The following CNTNAP2 variants were observed in gnomAD, a reference collection of about 807,000 sequenced individuals.
CNTNAP2 encodes contactin associated protein 2, also known as contactin-associated protein-like 2.
A neutral mutation model predicts 155.2 loss-of-function variants in CNTNAP2; 98 were observed. The observed-to-expected ratio is 0.63, with a 90% confidence interval of 0.54 to 0.75. CNTNAP2 has a LOEUF of 0.75. CNTNAP2 is among the 30% of genes least tolerant of loss of function. The probability of loss-of-function intolerance (pLI) is 0.00; values close to 1 mark genes in which losing one functional copy is unlikely to be tolerated. For missense variants in CNTNAP2, 1,727 were observed against 1,688.1 expected (o/e 1.02, Z -0.40); for synonymous variants, 651 against 631.2 (o/e 1.03, Z -0.47).
intron 3 of CNTNAP2, among the ~76,000 whole-genome samples, chr7:146,898,798 T>C (rs1055979609): frequency 6.6e-6 from 1 of 152,058 alleles, no homozygotes; most frequent in Non-Finnish European, 1.5e-5. Flanking sequence ...AAAAGACACT[T>C]TGACTCTTGC....
At chr7:146,720,593 G>A (rs1470072063) in intron 1 of CNTNAP2, among the ~76,000 whole-genome samples, 3 of 151,882 alleles carry the variant, frequency 2.0e-5, no homozygotes, top group Non-Finnish European at 4.4e-5. Context: ...TAATTTTCAT[G>A]GTGATTACAA....
At chr7:147,628,046 T>C (rs988920941) in intron 12 of CNTNAP2, among the ~76,000 whole-genome samples, 1 of 151,982 alleles carries the variant, frequency 6.6e-6, no homozygotes, top group African/African-American at 2.4e-5. Flanking sequence ...TTTAAAAGTT[T>C]GGAAAGCATA....
chr7:147,940,715 A>G (rs1373596868), intron 14 of CNTNAP2, among the ~76,000 whole-genome samples: 3 of 151,968 alleles, frequency 2.0e-5, no homozygotes, highest in Non-Finnish European at 2.9e-5. Context: ...TTTAAATTTT[A>G]TGTAGAGACA....
At chr7:146,768,957 T>C (rs1270874234) in intron 1 of CNTNAP2, among the ~76,000 whole-genome samples, 1 of 152,214 alleles carries the variant, frequency 6.6e-6, no homozygotes, top group Non-Finnish European at 1.5e-5. Flanking sequence ...CCAGTATCCC[T>C]TGCCAATAGC....
intron 21 of CNTNAP2, among the ~76,000 whole-genome samples, chr7:148,356,300 C>T (rs1798513982): frequency 7.3e-6 from 1 of 137,034 alleles, no homozygotes; most frequent in Non-Finnish European, 1.6e-5. Flanking sequence ...AACCTTTTAA[C>T]TCACTCTTAA....
At chr7:148,206,113 A>T (rs559651784) in intron 18 of CNTNAP2, among the ~76,000 whole-genome samples, 3 of 151,234 alleles carry the variant, frequency 2.0e-5, no homozygotes, top group South Asian at 2.1e-4. Context: ...TCATATATAT[A>T]TTTTTTTATA....
chr7:146,551,191 C>T (rs1416265731), intron 1 of CNTNAP2, among the ~76,000 whole-genome samples: 2 of 151,932 alleles, frequency 1.3e-5, no homozygotes, highest in African/African-American at 4.8e-5. Flanking sequence ...TGCTCAGAGT[C>T]AAATGATTTC....
chr7:146,237,161 C>T (rs1009481317), intron 1 of CNTNAP2, among the ~76,000 whole-genome samples: 1 of 152,194 alleles, frequency 6.6e-6, no homozygotes, highest in African/African-American at 2.4e-5. Context: ...GTACCAGAAG[C>T]AGGACCTTGG....
At chr7:148,312,252 A>G (rs952149467) in intron 21 of CNTNAP2, among the ~76,000 whole-genome samples, 1 of 152,122 alleles carries the variant, frequency 6.6e-6, no homozygotes, top group Admixed American at 6.5e-5. Context: ...CATGCCTAGG[A>G]AGGAAAGGAA....
intron 1 of CNTNAP2, among the ~76,000 whole-genome samples, chr7:146,673,437 C>T (rs1266206698): frequency 6.6e-6 from 1 of 152,122 alleles, no homozygotes; most frequent in African/African-American, 2.4e-5. Context: ...TTAAGTTTAG[C>T]CTAAAGATGC....
intron 1 of CNTNAP2, among the ~76,000 whole-genome samples, chr7:146,630,299 C>T (rs891803114): frequency 6.6e-5 from 10 of 152,106 alleles, no homozygotes; most frequent in Non-Finnish European, 1.2e-4. Context: ...CATGTCCCTG[C>T]AAAGGACATG....
chr7:146,819,972 T>G (rs566693616), intron 2 of CNTNAP2, among the ~76,000 whole-genome samples: 1 of 152,324 alleles, frequency 6.6e-6, no homozygotes, highest in East Asian at 1.9e-4. Flanking sequence ...TGTTGGAATA[T>G]CCATACAACT....
intron 1 of CNTNAP2, among the ~76,000 whole-genome samples, chr7:146,363,743 A>G (rs1235289060): frequency 6.6e-6 from 1 of 152,162 alleles, no homozygotes; most frequent in Non-Finnish European, 1.5e-5. Context: ...AGACAGGATC[A>G]AGGGTGGATG....
In CNTNAP2 at chr7:146,535,250, TATG is replaced by T. The variant is rs374412474; in HGVS notation, c.98-239018_98-239016del. On this transcript the variant is annotated intron_variant, in intron 1 of 23. Coordinates refer to ENST00000361727, the MANE Select transcript of CNTNAP2 (RefSeq NM_014141.6). ...TATATATTATATCATATATCATATA[TATG>T]ATATTATATCATATATATTATATAT... Among the ~76,000 whole-genome samples the T allele has an allele frequency of 5.6e-5, 3 of 53,100 alleles. 1 individual carries two copies. Among genetic ancestry groups the T allele is most frequent in the African/African-American group, 1.8e-4 (1 of 5,660 alleles). 34.8% of individuals were successfully genotyped at this position (53,100 alleles called of 152,430 possible).
chr7:148,233,569 G>T (rs1045918354), intron 20 of CNTNAP2, among the ~76,000 whole-genome samples: 13 of 152,074 alleles, frequency 8.5e-5, no homozygotes, highest in African/African-American at 3.1e-4. Flanking sequence ...TTAATTCCAT[G>T]GATTGTATTT....
intron 8 of CNTNAP2, among the ~76,000 whole-genome samples, chr7:147,135,916 A>G (rs1801468257): frequency 6.6e-6 from 1 of 151,682 alleles, no homozygotes; most frequent in Non-Finnish European, 1.5e-5. Context: ...GCCTGGAAGT[A>G]TTAACTCCAT....
intron 15 of CNTNAP2, among the ~76,000 whole-genome samples, chr7:148,066,822 G>A (rs1245204792): frequency 6.6e-6 from 1 of 152,032 alleles, no homozygotes; most frequent in African/African-American, 2.4e-5. Flanking sequence ...CTTTGTCTTT[G>A]TTGGATTGGG....
chr7:147,508,722 G>A (rs1291141938), intron 11 of CNTNAP2, among the ~76,000 whole-genome samples: 1 of 152,094 alleles, frequency 6.6e-6, no homozygotes, highest in African/African-American at 2.4e-5. Context: ...CTCAGCATAG[G>A]GAATACGTCT....
At chr7:146,636,003 T>TTA (rs1349495945) in intron 1 of CNTNAP2, among the ~76,000 whole-genome samples, 3 of 152,214 alleles carry the variant, frequency 2.0e-5, no homozygotes, top group Non-Finnish European at 4.4e-5. Context: ...TGCCTTATAG[T>TTA]ATTAAACAGT....
Sources: gnomAD v4.1 joint callset for allele counts (sites outside exome capture counted in the v4.1 genomes callset) on GRCh38, gnomAD v4.1.1 for gene constraint, MANE v1.5 for transcripts, NCBI Gene and HGNC (gene_info 2026-07-23, HGNC 2026-07-21) for gene names.